Variants in ZCCHC17 observed in about 807,000 individuals in gnomAD.
ZCCHC17 encodes zinc finger CCHC domain-containing protein 17.
In ZCCHC17, 18 loss-of-function variants were observed where a neutral mutation model predicts 30.6. The observed-to-expected ratio is 0.59, with a 90% CI of 0.41 to 0.87. The LOEUF (loss-of-function observed/expected upper bound fraction) is 0.87. Ranked by LOEUF, ZCCHC17 falls within the 40% of genes least tolerant of loss-of-function variation. ZCCHC17 has a pLI of 0.00. For synonymous variants in ZCCHC17, 88 were observed against 92.4 expected (o/e 0.95, Z 0.27); for missense variants, 263 against 284.2 (o/e 0.93, Z 0.54).
chr1:31,322,953 C>A (rs143001328), intron 3 of ZCCHC17, among the ~76,000 whole-genome samples: 14 of 152,244 alleles, frequency 9.2e-5, no homozygotes, highest in African/African-American at 2.6e-4. Context: ...AACTCCTTTC[C>A]TTGTGACCTG....
At chr1:31,340,315 G>GTTTTTTTT (rs71028757) in intron 5 of ZCCHC17, among the ~76,000 whole-genome samples, 6 of 95,110 alleles carry the variant, frequency 6.3e-5, no homozygotes, top group Admixed American at 2.7e-4. Flanking sequence ...ATCTTGGAGG[G>GTTTTTTTT]TTTTTTTTTT....
At chr1:31,346,130 G>A (rs12239751) in intron 5 of ZCCHC17, among the ~76,000 whole-genome samples, 2,047 of 152,256 alleles carry the variant, frequency 0.013, 49 homozygotes, top group African/African-American at 0.046. Context: ...AAGTGGTGAG[G>A]TGAGAGTCAA....
chr1:31,314,265 A>G (rs1328101120), intron 2 of ZCCHC17, among the ~76,000 whole-genome samples: 1 of 152,208 alleles, frequency 6.6e-6, no homozygotes, highest in Admixed American at 6.5e-5. Flanking sequence ...AGAGAACTTT[A>G]TAGTTCTAAC....
intron 1 of ZCCHC17, among the ~76,000 whole-genome samples, chr1:31,301,064 T>G (rs1414999773): frequency 1.3e-5 from 2 of 152,234 alleles, no homozygotes; most frequent in Non-Finnish European, 2.9e-5. Flanking sequence ...ATAGGATTAC[T>G]TGCTTTGTAG....
chr1:31,349,491 C>T (rs1369466619), intron 7 of ZCCHC17, among the ~76,000 whole-genome samples: 2 of 145,246 alleles, frequency 1.4e-5, no homozygotes, highest in Non-Finnish European at 3.0e-5. Context: ...CCACCATGCC[C>T]GGCTAATTTT....
At chr1:31,340,422 AT>A (rs1191187969) in intron 5 of ZCCHC17, among the ~76,000 whole-genome samples, 1 of 148,376 alleles carries the variant, frequency 6.7e-6, no homozygotes, top group Non-Finnish European at 1.5e-5. Context: ...GGTTCAAGTG[AT>A]TCTCCTGCCT....
At chr1:31,311,101 T>A (rs114260056) in intron 2 of ZCCHC17, among the ~76,000 whole-genome samples, 1,829 of 152,326 alleles carry the variant, frequency 0.012, 28 homozygotes, top group African/African-American at 0.033. Flanking sequence ...AATTCTTTTT[T>A]AAAAATTGAG....
chr1:31,330,710 T>C (rs191191386), intron 3 of ZCCHC17, among the ~76,000 whole-genome samples: 54 of 152,306 alleles, frequency 3.5e-4, no homozygotes, highest in African/African-American at 1.3e-3. Context: ...CTTGTGATCC[T>C]GGATAATTTA....
intron 1 of ZCCHC17, among the ~76,000 whole-genome samples, chr1:31,307,287 G>T (rs1215788520): frequency 6.6e-6 from 1 of 151,936 alleles, no homozygotes; most frequent in African/African-American, 2.4e-5. Flanking sequence ...TTGAAGAATT[G>T]CATGGGGTTT....
Position 31,337,193 on chromosome 1 carries a change from A to G in ZCCHC17, c.143A>G (p.His48Arg). The G allele has an allele frequency of 6.2e-7, 1 of 1,613,996 alleles. No homozygotes were observed. The highest frequency in any genetic ancestry group is 1.1e-5 in the South Asian group (1 of 91,076). Residue 48 changes from histidine (H) to arginine (R), a missense_variant, in exon 4 of 8, where the codon CAT (histidine) becomes CGT (arginine). By Grantham distance (29) the His-to-Arg change is conservative. Coordinates refer to ENST00000344147, the MANE Select transcript of ZCCHC17 (RefSeq NM_016505.4). ...TGCCCAGGTCTGGTCCATCGAACTC[A>G]TATGTCATCCTGTCGGGTGGATAAG... ...CRKQGLVHRTHMSSCRVDKPS... is the reference protein window; with the variant it reads ...CRKQGLVHRTRMSSCRVDKPS...
chr1:31,302,912 T>C (rs1646354112), intron 1 of ZCCHC17, among the ~76,000 whole-genome samples: 1 of 152,196 alleles, frequency 6.6e-6, no homozygotes. Flanking sequence ...CAGTTCAAGA[T>C]GAAATTTGGG....
chr1:31,317,964 G>A (rs956098874), intron 2 of ZCCHC17, among the ~76,000 whole-genome samples: 2 of 152,154 alleles, frequency 1.3e-5, no homozygotes, highest in Admixed American at 6.5e-5. Context: ...TACTTATTTA[G>A]CTTTGGACCT....
chr1:31,325,354 A>G (rs1638295465), intron 3 of ZCCHC17, among the ~76,000 whole-genome samples: 1 of 152,244 alleles, frequency 6.6e-6, no homozygotes, highest in Non-Finnish European at 1.5e-5. Flanking sequence ...CGGGACTGAA[A>G]GAGCTGTAAC....
chr1:31,345,191 C>G (rs1639199041), intron 5 of ZCCHC17, among the ~76,000 whole-genome samples: 4 of 151,894 alleles, frequency 2.6e-5, no homozygotes, highest in Admixed American at 1.3e-4. Flanking sequence ...GAGTCTCGCT[C>G]TGTCGCCCAG....
intron 3 of ZCCHC17, among the ~76,000 whole-genome samples, chr1:31,335,321 G>A (rs1638773036): frequency 6.6e-6 from 1 of 152,158 alleles, no homozygotes; most frequent in African/African-American, 2.4e-5. Flanking sequence ...AAAGGATTTT[G>A]GACAGACAGG....
chr1:31,321,524 G>C (rs1306381691), intron 3 of ZCCHC17, among the ~76,000 whole-genome samples: 1 of 152,218 alleles, frequency 6.6e-6, no homozygotes, highest in Non-Finnish European at 1.5e-5. Flanking sequence ...GCCCAGGCTA[G>C]AGTGCAATGG....
At position 31,336,314 on chromosome 1, in the gene ZCCHC17, G is replaced by T. The variant is rs920667797; in HGVS notation, c.125-861G>T. The stretch of plus-strand genomic sequence containing the variant: ...ACTGCAAGTTATTTCAGCTCTGTAA[G>T]TTTTTTGGCTCTTGTGAGTTTTTCC... On this transcript the variant is annotated intron_variant, in intron 3 of 7. Transcript: ENST00000344147. Among the ~76,000 whole-genome samples the T allele has an allele frequency of 7.2e-5, 11 of 152,208 alleles. No homozygotes were observed. In the South Asian group the frequency reaches 1.5e-3, roughly 20 times the overall value.
chr1:31,298,963 G>T (rs1646239372), intron 1 of ZCCHC17, among the ~76,000 whole-genome samples: 1 of 152,170 alleles, frequency 6.6e-6, no homozygotes, highest in African/African-American at 2.4e-5. Context: ...AGAAGCAAAA[G>T]AATGATTTGT....
intron 1 of ZCCHC17, among the ~76,000 whole-genome samples, chr1:31,301,980 C>T (rs1646323765): frequency 6.6e-6 from 1 of 152,178 alleles, no homozygotes; most frequent in Non-Finnish European, 1.5e-5. Context: ...GTAATCCTAA[C>T]ACTTTGGGAG....
Sources: allele counts gnomAD v4.1 joint callset (sites outside exome capture counted in the v4.1 genomes callset), GRCh38; gene constraint gnomAD v4.1.1; transcripts MANE v1.5; gene names NCBI Gene and HGNC (gene_info 2026-07-23, HGNC 2026-07-21).